DRG2: variants seen among roughly 807,000 people sequenced by gnomAD.
DRG2 encodes the protein developmentally-regulated GTP-binding protein 2.
DRG2 carries 36 observed loss-of-function variants against 53.4 expected under a neutral mutation model. That is an observed-to-expected ratio of 0.67 (90% CI 0.52 to 0.89). The LOEUF (loss-of-function observed/expected upper bound fraction) is 0.89. Ranked by LOEUF, DRG2 falls within the 40% of genes least tolerant of loss-of-function variation. DRG2 has a pLI of 0.00. For synonymous variants in DRG2, 167 were observed against 192.1 expected (o/e 0.87, Z 1.08); for missense variants, 342 against 481.2 (o/e 0.71, Z 2.71).
At chr17:18,104,751 G>C in intron 11 of DRG2, 70 bp downstream of exon 11, 2 of 1,609,630 alleles carry the variant, frequency 1.2e-6, no homozygotes, top group Non-Finnish European at 1.7e-6. Context: ...TGTTCTGCCT[G>C]AGGTGCCCTG....
intron 11 of DRG2, 112 bp downstream of exon 11, chr17:18,104,793 C>A: frequency 6.5e-7 from 1 of 1,545,314 alleles, no homozygotes; most frequent in Non-Finnish European, 8.8e-7. Flanking sequence ...GTCTCACTCT[C>A]AGATGTCAAC....
chr17:18,094,697 G>A (rs570550445), intron 2 of DRG2, among the ~76,000 whole-genome samples: 4 of 152,162 alleles, frequency 2.6e-5, no homozygotes, highest in South Asian at 2.1e-4. Flanking sequence ...TTCTTCGGCC[G>A]GGCGCGGTGG....
rs2045519992 is a variant in DRG2, at chr17:18,100,847, G to A, written c.631+188G>A. 6.6e-6 allele frequency among the ~76,000 whole-genome samples: 1 copy of A among 152,166 alleles called. No individual in the cohort carries two copies. The highest frequency in any genetic ancestry group is 1.5e-5 in the Non-Finnish European group (1 of 68,026). ...GGTCTGCAGCCGTGCACTTGACAAT[G>A]GCTTCCTGGCTCCTCACCAAGTACT... On this transcript the variant is annotated intron_variant, in intron 7 of 12. Transcript: ENST00000225729. This position sits in a 1 kb window ranked among gnomAD's most constrained non-coding sequence, Gnocchi z 4.1.
In DRG2 at chr17:18,098,582, G is replaced by A. The variant is rs1383874736; in HGVS notation, c.315+223G>A. 54 of 508,008 alleles carry A rather than the reference G, an allele frequency of 1.1e-4. No homozygotes were observed. The highest frequency in any genetic ancestry group is 5.2e-4 in the Middle Eastern group (1 of 1,934). 31.5% of individuals were successfully genotyped at this position (508,008 alleles called of 1,614,324 possible). A position where few individuals can be genotyped will look rare whatever the true frequency, so the allele number is the denominator to read the frequency against. ...GAACTAGGAGGTCAGGCCAGCATGT[G>A]GCTACTTTGCCTGGCGCCCCCTGTG... On this transcript the variant is annotated intron_variant, in intron 3 of 12. Transcript: ENST00000225729. The surrounding 1 kb of genome is among the most constrained non-coding windows in gnomAD (Gnocchi z 4.1).
Position 18,098,380 on chromosome 17 carries a change from C to A in DRG2, c.315+21C>A. 2 of 1,609,298 alleles carry A rather than the reference C, an allele frequency of 1.2e-6. No homozygotes were observed. Among genetic ancestry groups the A allele is most frequent in the South Asian group, 1.1e-5 (1 of 90,936 alleles). On this transcript the variant is annotated intron_variant, in intron 3 of 12. Coordinates refer to ENST00000225729, the MANE Select transcript of DRG2 (RefSeq NM_001388.5). The surrounding 1 kb of genome is among the most constrained non-coding windows in gnomAD (Gnocchi z 4.1). ...TTGAAGTAAGTGGGTGTGCTGGGCC[C>A]AGAAGGAGAAGGGGCGCATGCTTGT... is the stretch of plus-strand genomic sequence containing the variant.
intron 2 of DRG2, chr17:18,096,161 A>G (rs1050892623): frequency 6.6e-5 from 10 of 152,170 alleles, no homozygotes; most frequent in African/African-American, 2.4e-4. Context: ...ACCCCTGCTG[A>G]TGTTGATCTT....
chr17:18,088,179 C>A, intron 1 of DRG2, 92 bp downstream of exon 1: 1 of 1,421,406 alleles, frequency 7.0e-7, no homozygotes, highest in Non-Finnish European at 9.4e-7. Context: ...AATGCTGGGG[C>A]AAGATCCGAG....
At position 18,103,964 on chromosome 17, in the gene DRG2, C is replaced by A; in HGVS notation, c.895+75C>A. 7.2e-7 allele frequency: 1 copy of A among 1,394,154 alleles called. No homozygotes were observed. The highest frequency in any genetic ancestry group is 1.0e-6 in the Non-Finnish European group (1 of 983,276). 86.4% of individuals were successfully genotyped at this position (1,394,154 alleles called of 1,614,324 possible). A position where few individuals can be genotyped will look rare whatever the true frequency, so the allele number is the denominator to read the frequency against. ...AAGGCTGCCAGGCCGGTGTGTGGTG[C>A]CCAGAGACCCCAGCACCGGCTCTGG... is the stretch of plus-strand genomic sequence containing the variant. On this transcript the variant is annotated intron_variant, in intron 10 of 12. Transcript: ENST00000225729. The surrounding 1 kb of genome is among the most constrained non-coding windows in gnomAD (Gnocchi z 4.4).
At chr17:18,092,228 C>T (rs1300143882) in intron 1 of DRG2, among the ~76,000 whole-genome samples, 1 of 152,188 alleles carries the variant, frequency 6.6e-6, no homozygotes, top group Non-Finnish European at 1.5e-5. Flanking sequence ...CTTTGAGAGG[C>T]TGAGGCAGGA....
chr17:18,107,495 A>C lies in DRG2; in HGVS notation c.*255A>C. On this transcript the variant is annotated 3_prime_UTR_variant, in exon 13 of 13. Transcript: ENST00000225729. ...TTTGAGTTTGTAGTGCTGAGCCTGC[A>C]TCTGTGCCTCCCAGCCCCCTGCACT... is the stretch of plus-strand genomic sequence containing the variant. The C allele has an allele frequency of 1.9e-6, 1 of 538,228 alleles. No individual in the cohort carries two copies. 33.3% of individuals were successfully genotyped at this position (538,228 alleles called of 1,614,324 possible).
At position 18,098,509 on chromosome 17, in the gene DRG2, T is replaced by G. The variant is rs898509251; in HGVS notation, c.315+150T>G. On this transcript the variant is annotated intron_variant, in intron 3 of 12. Coordinates refer to ENST00000225729, the MANE Select transcript of DRG2 (RefSeq NM_001388.5). This position sits in a 1 kb window ranked among gnomAD's most constrained non-coding sequence, Gnocchi z 4.1. ...CTGCTTTGCCCTCCAGCACTGACAC[T>G]TCTGGGGATCCTAGCTGCTGGACCC... is the stretch of plus-strand genomic sequence containing the variant. 9.0e-6 allele frequency: 6 copies of G among 665,812 alleles called. No homozygotes were observed. In the Admixed American group the frequency reaches 1.3e-4, roughly 14 times the overall value. 41.2% of individuals were successfully genotyped at this position (665,812 alleles called of 1,614,324 possible).
In DRG2 at chr17:18,087,991, A is replaced by G. The variant is rs372569148; in HGVS notation, c.-33A>G. The G allele has an allele frequency of 1.2e-3, 1,907 of 1,544,476 alleles. 2 individuals carry two copies. Among genetic ancestry groups the G allele is most frequent in the South Asian group, 1.9e-3 (161 of 83,280 alleles). ...GACCGGAATTGCCGGTGCCGCCGCC[A>G]CCGCTGTCTGTGCGCCCACCTCTGC... On this transcript the variant is annotated 5_prime_UTR_variant, in exon 1 of 13. Coordinates refer to ENST00000225729, the MANE Select transcript of DRG2 (RefSeq NM_001388.5).
chr17:18,090,395 TATATATATA>T (rs1170039984), intron 1 of DRG2, among the ~76,000 whole-genome samples: 26 of 15,036 alleles, frequency 1.7e-3, no homozygotes, highest in African/African-American at 7.5e-3. Context: ...TATATATATA[TATATATATA>T]TATTTTTTTT....
Position 18,098,578 on chromosome 17 carries a change from A to G in DRG2, c.315+219A>G. On this transcript the variant is annotated intron_variant, in intron 3 of 12. Transcript: ENST00000225729. This position sits in a 1 kb window ranked among gnomAD's most constrained non-coding sequence, Gnocchi z 4.1. The stretch of plus-strand genomic sequence containing the variant: ...CCTGGAACTAGGAGGTCAGGCCAGC[A>G]TGTGGCTACTTTGCCTGGCGCCCCC... The G allele has an allele frequency of 3.9e-6, 2 of 511,310 alleles. No individual in the cohort carries two copies. The highest frequency in any genetic ancestry group is 3.3e-5 in the Admixed American group (1 of 30,550). 31.7% of individuals were successfully genotyped at this position (511,310 alleles called of 1,614,324 possible). A position where few individuals can be genotyped will look rare whatever the true frequency, so the allele number is the denominator to read the frequency against.
chr17:18,107,010 A>G, intron 12 of DRG2, 144 bp from the exon 13 acceptor site: 1 of 681,370 alleles, frequency 1.5e-6, no homozygotes, highest in Non-Finnish European at 2.5e-6. Flanking sequence ...AGGGATGGTC[A>G]GACAACTGCG....
rs2045672607 is a variant in DRG2 at position 18,107,894 on chromosome 17, T to C, written c.*654T>C. The C allele has an allele frequency of 6.6e-6, 1 of 152,350 alleles. No homozygotes were observed. Among genetic ancestry groups the C allele is most frequent in the African/African-American group, 2.4e-5 (1 of 41,438 alleles). The allele number at this position is 152,350 out of a possible 1,614,324, so 9.4% of individuals were successfully genotyped here. On this transcript the variant is annotated 3_prime_UTR_variant, in exon 13 of 13. Coordinates refer to ENST00000225729, the MANE Select transcript of DRG2 (RefSeq NM_001388.5). Reference sequence around the variant, plus strand: ...GCTCTGCACGCCTGGGGCAGGGACTTTTGAGTTTAGGATCTGTATTTTCTA... The same window carrying C: ...GCTCTGCACGCCTGGGGCAGGGACTCTTGAGTTTAGGATCTGTATTTTCTA...
intron 1 of DRG2, 56 bp from the exon 2 acceptor site, chr17:18,093,757 C>T: frequency 1.3e-6 from 2 of 1,585,032 alleles, no homozygotes; most frequent in East Asian, 2.3e-5. Context: ...CCCTGCCTGA[C>T]CCCTGGGCTT....
chr17:18,103,230 T>A lies in DRG2; in HGVS notation c.807-571T>A, dbSNP rs1375288672. Among the ~76,000 whole-genome samples the A allele has an allele frequency of 6.6e-6, 1 of 151,966 alleles. No homozygotes were observed. The highest frequency in any genetic ancestry group is 2.4e-5 in the African/African-American group (1 of 41,346). On this transcript the variant is annotated intron_variant, in intron 9 of 12. Coordinates refer to ENST00000225729, the MANE Select transcript of DRG2 (RefSeq NM_001388.5). This position sits in a 1 kb window ranked among gnomAD's most constrained non-coding sequence, Gnocchi z 4.4. ...ACAGAGGTCAGGACACAGCTCGGGG[T>A]CACGGCGCAAACCTTCAAGCCACGG...
chr17:18,096,713 A>G (rs1281321716), intron 2 of DRG2: 1 of 151,642 alleles, frequency 6.6e-6, no homozygotes, highest in Non-Finnish European at 1.5e-5. Context: ...ATAGCAGGTT[A>G]TAGCAGGGCA....
Sources: gnomAD v4.1 joint callset for allele counts (sites outside exome capture counted in the v4.1 genomes callset) on GRCh38, gnomAD v4.1.1 for gene constraint, Gnocchi (gnomAD v3.1) non-coding constraint, MANE v1.5 for transcripts, NCBI Gene and HGNC (gene_info 2026-07-23, HGNC 2026-07-21) for gene names.